The following IQSEC1 variants were observed in gnomAD, a reference collection of about 807,000 sequenced individuals.
IQSEC1 encodes the protein IQ motif and SEC7 domain-containing protein 1.
IQSEC1 carries 31 observed loss-of-function variants against 91.0 expected under a neutral mutation model. The observed-to-expected ratio is 0.34, with a 90% CI of 0.26 to 0.46. IQSEC1 has a LOEUF of 0.46. IQSEC1 is among the 20% of genes least tolerant of loss of function. The pLI is 1.00. For synonymous variants in IQSEC1, 699 were observed against 662.6 expected, an observed-to-expected ratio of 1.05 and a Z score of -0.84; for missense variants, 1,388 against 1,575.6, an observed-to-expected ratio of 0.88 and a Z score of 2.02.
intron 1 of IQSEC1, among the ~76,000 whole-genome samples, chr3:13,183,055 T>G (rs1037302334): frequency 6.6e-6 from 1 of 151,954 alleles, no homozygotes; most frequent in African/African-American, 2.4e-5. Context: ...TCCCAGCTAC[T>G]CGGGAGGCTG....
rs891890242 is a variant in IQSEC1, at chr3:12,935,314, T to C, written c.1568+134A>G. On this transcript the variant is annotated intron_variant, in intron 3 of 13. Transcript: ENST00000613206. This position sits in a 1 kb window ranked among gnomAD's most constrained non-coding sequence, Gnocchi z 8.0. ...CTGGCACCGTCCTAGCCACCGACCT[T>C]GTGTGGCAGCTTCCTATGCTCATAG... 1.1e-5 allele frequency: 9 copies of C among 844,654 alleles called. No individual in the cohort carries two copies. The highest frequency in any genetic ancestry group is 2.5e-5 in the Admixed American group (1 of 39,836). 52.3% of individuals were successfully genotyped at this position (844,654 alleles called of 1,614,324 possible).
At chr3:13,150,212 C>G (rs902282518) in intron 2 of IQSEC1, among the ~76,000 whole-genome samples, 45 of 152,166 alleles carry the variant, frequency 3.0e-4, no homozygotes, top group African/African-American at 1.1e-3. Context: ...ATTAGAGTTC[C>G]TTTTCTCCAA....
rs1700696120 is a variant in IQSEC1, at chr3:12,967,845, A to C, written c.24-25980T>G. 4.2e-6 allele frequency: 1 copy of C among 239,148 alleles called. No homozygotes were observed. Among genetic ancestry groups the C allele is most frequent in the Non-Finnish European group, 6.2e-6 (1 of 160,818 alleles). 14.8% of individuals were successfully genotyped at this position (239,148 alleles called of 1,614,324 possible). ...ACTGCACGGAGCGTGTGGGGAAGAG[A>C]GCACAGGAGGCGTGGCCACACGGCG... On this transcript the variant is annotated intron_variant, in intron 1 of 13. Coordinates refer to ENST00000613206, the MANE Select transcript of IQSEC1 (RefSeq NM_001134382.3). This position sits in a 1 kb window ranked among gnomAD's most constrained non-coding sequence, Gnocchi z 5.9.
Position 13,201,216 on chromosome 3 carries a change from G to A in IQSEC1, c.273-37083C>T, listed in dbSNP as rs1694239554. ...CAGGAAGGACGGTGACCGGAGCTCA[G>A]ACTCCAAGCTCCCAACCTTCCCTCT... On this transcript the variant is annotated intron_variant, in intron 1 of 15. Transcript: ENST00000648114. Among the ~76,000 whole-genome samples the A allele has an allele frequency of 1.3e-5, 2 of 152,202 alleles. 1 individual carries two copies. Among genetic ancestry groups the A allele is most frequent in the Admixed American group, 1.3e-4 (2 of 15,284 alleles).
chr3:13,020,334 G>A (rs1175124724), intron 1 of IQSEC1, among the ~76,000 whole-genome samples: 1 of 152,132 alleles, frequency 6.6e-6, no homozygotes, highest in Non-Finnish European at 1.5e-5. Flanking sequence ...ACAGCCAGCC[G>A]GCATCCTCAT....
intron 1 of IQSEC1, among the ~76,000 whole-genome samples, chr3:12,959,012 T>G (rs551325132): frequency 9.2e-5 from 14 of 152,082 alleles, no homozygotes; most frequent in Non-Finnish European, 1.6e-4. Context: ...AGAAGCCAAT[T>G]TGGGGAGAGG....
chr3:13,047,294 T>C (rs993061348), intron 1 of IQSEC1, among the ~76,000 whole-genome samples: 1 of 152,162 alleles, frequency 6.6e-6, no homozygotes, highest in Admixed American at 6.5e-5. Context: ...GGGAAACCAC[T>C]CCAAGCTGTA....
chr3:13,177,108 T>C (rs2125011269), intron 1 of IQSEC1, among the ~76,000 whole-genome samples: 1 of 152,304 alleles, frequency 6.6e-6, no homozygotes, highest in African/African-American at 2.4e-5. Context: ...ATGCGAATGT[T>C]CTGGAATTAG....
intron 1 of IQSEC1, among the ~76,000 whole-genome samples, chr3:13,234,284 C>CTGTG (rs1694885641): frequency 2.7e-5 from 4 of 146,628 alleles, no homozygotes; most frequent in African/African-American, 1.0e-4. Flanking sequence ...GTCCCCGTGT[C>CTGTG]TGTGCCTGTG....
chr3:13,241,280 C>T (rs937222851), intron 1 of IQSEC1, among the ~76,000 whole-genome samples: 2 of 152,196 alleles, frequency 1.3e-5, no homozygotes, highest in African/African-American at 2.4e-5. Context: ...CACAAGCAGG[C>T]GAAAGCAGCT....
At chr3:13,019,730 C>A (rs1258260548) in intron 1 of IQSEC1, among the ~76,000 whole-genome samples, 1 of 152,190 alleles carries the variant, frequency 6.6e-6, no homozygotes, top group Non-Finnish European at 1.5e-5. Context: ...TTGGGACAAA[C>A]CCAGTGCCAA....
intron 1 of IQSEC1, among the ~76,000 whole-genome samples, chr3:13,067,065 C>G (rs1225128311): frequency 6.6e-6 from 1 of 152,226 alleles, no homozygotes; most frequent in African/African-American, 2.4e-5. Flanking sequence ...AAGCAGCCTG[C>G]CCAGGGTCAC....
At chr3:12,905,554 G>C (rs905759960) in intron 12 of IQSEC1, among the ~76,000 whole-genome samples, 2 of 152,268 alleles carry the variant, frequency 1.3e-5, no homozygotes, top group Non-Finnish European at 2.9e-5. Flanking sequence ...GGCGGAGGTG[G>C]GGGATGAGCT....
chr3:13,227,029 C>T (rs955114519), intron 1 of IQSEC1, among the ~76,000 whole-genome samples: 1 of 152,006 alleles, frequency 6.6e-6, no homozygotes, highest in Admixed American at 6.5e-5. Context: ...CTGCAGTGAG[C>T]GATGATCATG....
At chr3:13,031,941 T>C (rs1218864475) in intron 1 of IQSEC1, among the ~76,000 whole-genome samples, 1 of 152,078 alleles carries the variant, frequency 6.6e-6, no homozygotes, top group East Asian at 1.9e-4. Flanking sequence ...TGGCTCTGTT[T>C]TTAAAACTTT....
At chr3:13,034,898 C>T (rs369615877) in intron 1 of IQSEC1, among the ~76,000 whole-genome samples, 226 of 152,348 alleles carry the variant, frequency 1.5e-3, no homozygotes, top group African/African-American at 5.2e-3. Flanking sequence ...GCTCCCCTAA[C>T]AGTATTCCCA....
intron 2 of IQSEC1, among the ~76,000 whole-genome samples, chr3:13,144,897 C>T (rs1023760490): frequency 2.2e-4 from 34 of 152,310 alleles, no homozygotes; most frequent in African/African-American, 7.9e-4. Flanking sequence ...CTTTTGATGG[C>T]GAGAGACTCT....
intron 1 of IQSEC1, among the ~76,000 whole-genome samples, chr3:13,174,371 A>G (rs1016543873): frequency 2.2e-4 from 34 of 152,128 alleles, no homozygotes; most frequent in Admixed American, 2.2e-3. Context: ...GGAAGCCTTC[A>G]TCCCACTGGA....
chr3:13,016,484 C>T (rs56310877), intron 1 of IQSEC1, among the ~76,000 whole-genome samples: 25,883 of 152,196 alleles, frequency 0.17, 2,469 homozygotes, highest in Non-Finnish European at 0.22. Context: ...GTTACCCAGC[C>T]GTGGCTCTCC....
Sources: gnomAD v4.1 joint callset for allele counts (sites outside exome capture counted in the v4.1 genomes callset) on GRCh38, gnomAD v4.1.1 for gene constraint, Gnocchi (gnomAD v3.1) non-coding constraint, MANE v1.5 for transcripts, NCBI Gene and HGNC (gene_info 2026-07-23, HGNC 2026-07-21) for gene names.